The following IFT80 variants were observed in gnomAD, a reference collection of about 807,000 sequenced individuals.
The protein encoded by IFT80 is intraflagellar transport protein 80 homolog.
A neutral mutation model predicts 107.9 loss-of-function variants in IFT80; 79 were observed. That is an observed-to-expected ratio of 0.73 (90% CI 0.61 to 0.88). The LOEUF (loss-of-function observed/expected upper bound fraction) is 0.88. Among genes scored for constraint, IFT80 ranks in the 40% least tolerant of loss-of-function variants. The probability of loss-of-function intolerance (pLI) is 0.00; values close to 1 mark genes in which losing one functional copy is unlikely to be tolerated. For synonymous variants in IFT80, 299 were observed against 300.9 expected (o/e 0.99, Z 0.07); for missense variants, 797 against 914.2 (o/e 0.87, Z 1.65).
At chr3:160,350,866 A>G (rs1284961289) in intron 8 of IFT80, among the ~76,000 whole-genome samples, 2 of 152,220 alleles carry the variant, frequency 1.3e-5, no homozygotes, top group Non-Finnish European at 2.9e-5. Context: ...TTTAACTAAT[A>G]CATATTTCTA....
rs1248649725 is a variant in IFT80, at chr3:160,277,580, C to G, written c.1926+1G>C. On this transcript the variant is annotated splice_donor_variant, in intron 17 of 19. Transcript: ENST00000326448. LOFTEE classifies it high-confidence loss of function. ...CATATATGTAAACATTAATTACTTA[C>G]TTCACCAATTGCTGCATAGGCTATT... is the stretch of plus-strand genomic sequence containing the variant. 6.2e-7 allele frequency: 1 copy of G among 1,609,906 alleles called. No homozygotes were observed. Among genetic ancestry groups the G allele is most frequent in the African/African-American group, 1.3e-5 (1 of 74,822 alleles).
chr3:160,325,976 C>A (rs938766659), intron 8 of IFT80, among the ~76,000 whole-genome samples: 1 of 151,806 alleles, frequency 6.6e-6, no homozygotes, highest in African/African-American at 2.4e-5. Context: ...TAAATTCTTA[C>A]ATTAAAAATT....
At chr3:160,341,332 T>C (rs1256103374) in intron 8 of IFT80, among the ~76,000 whole-genome samples, 2 of 123,564 alleles carry the variant, frequency 1.6e-5, no homozygotes, top group African/African-American at 3.3e-5. Context: ...CAAGGACTTA[T>C]TAACAATGAT....
intron 8 of IFT80, among the ~76,000 whole-genome samples, chr3:160,349,672 G>C (rs1248180360): frequency 6.6e-6 from 1 of 152,016 alleles, no homozygotes; most frequent in African/African-American, 2.4e-5. Flanking sequence ...AGAAACAAGG[G>C]GCTACATTTA....
chr3:160,371,013 T>G (rs116612352), intron 5 of IFT80, among the ~76,000 whole-genome samples: 3 of 152,210 alleles, frequency 2.0e-5, no homozygotes, highest in African/African-American at 7.2e-5. Context: ...TTATCTTTAC[T>G]TTCCTGGTCA....
Position 160,258,614 on chromosome 3 carries a change from T to C in IFT80, c.2245A>G (p.Ile749Val), listed in dbSNP as rs891421267. 1.2e-6 allele frequency: 2 copies of C among 1,612,342 alleles called. No homozygotes were observed. The highest frequency in any genetic ancestry group is 1.7e-6 in the Non-Finnish European group (2 of 1,179,886). The change falls in exon 20 of 20, where the codon ATC becomes GTC. Residue 749 changes from isoleucine (I) to valine (V), a missense_variant. Ile to Val is a conservative substitution (Grantham distance 29). Transcript: ENST00000326448. ...ATTTCCATCTCAATTTTGGCTTTGA[T>C]TTTCTCCCAATCTATTTGGAGCTGC... is the stretch of plus-strand genomic sequence containing the variant. ...AEGLQIDWEK[I>V]KAKIEMEITK...
At chr3:160,273,739 G>A (rs1576734028) in intron 18 of IFT80, among the ~76,000 whole-genome samples, 1 of 152,140 alleles carries the variant, frequency 6.6e-6, no homozygotes, top group South Asian at 2.1e-4. Flanking sequence ...CTAGATGAGA[G>A]ATGCATATTT....
intron 10 of IFT80, among the ~76,000 whole-genome samples, chr3:160,306,966 CATA>C (rs1453369410): frequency 6.6e-6 from 1 of 152,132 alleles, no homozygotes; most frequent in African/African-American, 2.4e-5. Context: ...CTAAACTATA[CATA>C]ATGTTATAAA....
chr3:160,265,461 C>A (rs1403616859), intron 19 of IFT80, among the ~76,000 whole-genome samples: 2 of 152,058 alleles, frequency 1.3e-5, no homozygotes, highest in East Asian at 3.8e-4. Context: ...AAGTATTTCC[C>A]AGATCTACTT....
At chr3:160,362,833 A>G (rs1191140286) in intron 6 of IFT80, among the ~76,000 whole-genome samples, 1 of 152,042 alleles carries the variant, frequency 6.6e-6, no homozygotes, top group African/African-American at 2.4e-5. Flanking sequence ...CATGCTAAAA[A>G]CTCTCCATAA....
chr3:160,266,989 A>G (rs929935666), intron 19 of IFT80, among the ~76,000 whole-genome samples: 1 of 152,114 alleles, frequency 6.6e-6, no homozygotes, highest in African/African-American at 2.4e-5. Context: ...ATAGTAGAGT[A>G]TGCCCAAACT....
At chr3:160,287,344 G>A (rs1715170297) in intron 12 of IFT80, among the ~76,000 whole-genome samples, 1 of 152,192 alleles carries the variant, frequency 6.6e-6, no homozygotes. Flanking sequence ...CAGTGGGGCT[G>A]GGGGAGCCTT....
At chr3:160,345,693 C>CAAAAA in intron 8 of IFT80, among the ~76,000 whole-genome samples, 1 of 74,872 alleles carries the variant, frequency 1.3e-5, no homozygotes, top group Non-Finnish European at 2.4e-5. Context: ...GACTCTGTCT[C>CAAAAA]AAAAAAAAAA....
At chr3:160,311,100 G>A (rs1717214220) in intron 9 of IFT80, among the ~76,000 whole-genome samples, 1 of 152,082 alleles carries the variant, frequency 6.6e-6, no homozygotes. Context: ...ACTCCAGCCT[G>A]GGTGATAAAG....
intron 3 of IFT80, among the ~76,000 whole-genome samples, chr3:160,378,663 T>C (rs1015913261): frequency 4.0e-5 from 6 of 151,244 alleles, no homozygotes; most frequent in Non-Finnish European, 7.4e-5. Flanking sequence ...AAAAAATCAC[T>C]GTAGCTGGCT....
At chr3:160,385,800 C>T (rs1031081090) in intron 1 of IFT80, among the ~76,000 whole-genome samples, 24 of 152,126 alleles carry the variant, frequency 1.6e-4, no homozygotes, top group African/African-American at 5.8e-4. Flanking sequence ...AGGCCCCCAC[C>T]AATTAGACAG....
intron 11 of IFT80, 47 bp downstream of exon 11, chr3:160,303,868 G>A (rs1413800983): frequency 8.5e-7 from 1 of 1,178,438 alleles, no homozygotes; most frequent in African/African-American, 1.5e-5. Flanking sequence ...GTGCTTTAAT[G>A]CTATTTATTT....
At position 160,349,471 on chromosome 3, in the gene IFT80, A is replaced by G. The variant is rs368835245; in HGVS notation, c.777+6542T>C. Among the ~76,000 whole-genome samples the G allele has an allele frequency of 4.6e-5, 7 of 151,998 alleles. No homozygotes were observed. The East Asian group carries it at 7.7e-4, about 17-fold the overall frequency. On this transcript the variant is annotated intron_variant, in intron 8 of 19. Transcript: ENST00000326448. Reference sequence around the variant, plus strand: ...CTCAAAAAGAAAAAAAAAAAGGAACACTGCACCTCAACTAAAAATTTGTGA... The same window carrying G: ...CTCAAAAAGAAAAAAAAAAAGGAACGCTGCACCTCAACTAAAAATTTGTGA...
At chr3:160,310,285 G>C (rs1176378485) in intron 9 of IFT80, among the ~76,000 whole-genome samples, 1 of 152,186 alleles carries the variant, frequency 6.6e-6, no homozygotes, top group African/African-American at 2.4e-5. Flanking sequence ...ACTGGCCAAA[G>C]ATGAGACAAT....
Sources: gnomAD v4.1 joint callset for allele counts (sites outside exome capture counted in the v4.1 genomes callset) on GRCh38, gnomAD v4.1.1 for gene constraint, MANE v1.5 for transcripts, NCBI Gene and HGNC (gene_info 2026-07-23, HGNC 2026-07-21) for gene names.